Variants in DSCAM observed in about 807,000 individuals in gnomAD.
DSCAM encodes the protein DS cell adhesion molecule, also known as cell adhesion molecule DSCAM.
DSCAM carries 47 observed loss-of-function variants against 217.7 expected under a neutral mutation model. The observed-to-expected ratio is 0.22, with a 90% CI of 0.17 to 0.28. The LOEUF (loss-of-function observed/expected upper bound fraction) is 0.28. DSCAM is among the 10% of genes least tolerant of loss of function. The pLI is 1.00. For missense variants in DSCAM, 2,080 were observed against 2,618.3 expected (o/e 0.79, Z 4.49); for synonymous variants, 1,056 against 1,015.3 (o/e 1.04, Z -0.76).
chr21:40,080,825 C>T (rs1426036776), intron 24 of DSCAM, among the ~76,000 whole-genome samples: 8 of 152,220 alleles, frequency 5.3e-5, no homozygotes. Context: ...CTAGGAGAAA[C>T]AGCTCCAAGT....
At chr21:40,441,981 T>G (rs1172544759) in intron 3 of DSCAM, among the ~76,000 whole-genome samples, 1 of 152,142 alleles carries the variant, frequency 6.6e-6, no homozygotes, top group African/African-American at 2.4e-5. Context: ...ATCCACTTGT[T>G]TGTTTACTTA....
intron 3 of DSCAM, among the ~76,000 whole-genome samples, chr21:40,639,850 G>C (rs1020781208): frequency 6.6e-6 from 1 of 152,120 alleles, no homozygotes; most frequent in African/African-American, 2.4e-5. Context: ...CTCCATAAAA[G>C]TCATACTTGA....
intron 1 of DSCAM, among the ~76,000 whole-genome samples, chr21:40,723,912 A>G (rs1222722301): frequency 1.3e-5 from 2 of 152,206 alleles, no homozygotes; most frequent in Admixed American, 1.3e-4. Context: ...GATTTTTGCC[A>G]TGGGTTTTAC....
At chr21:40,375,280 T>C (rs2074938715) in intron 3 of DSCAM, among the ~76,000 whole-genome samples, 1 of 152,214 alleles carries the variant, frequency 6.6e-6, no homozygotes, top group African/African-American at 2.4e-5. Flanking sequence ...TTAATCTCTA[T>C]TCAACATGCA....
intron 1 of DSCAM, among the ~76,000 whole-genome samples, chr21:40,841,935 C>T (rs2092105004): frequency 6.6e-6 from 1 of 152,246 alleles, no homozygotes; most frequent in Non-Finnish European, 1.5e-5. Flanking sequence ...GCCTGACCTG[C>T]GGTTGCCTTT....
At chr21:40,376,669 A>ATAGATATC (rs2074965349) in intron 3 of DSCAM, among the ~76,000 whole-genome samples, 4 of 108,024 alleles carry the variant, frequency 3.7e-5, no homozygotes, top group African/African-American at 1.6e-4. Context: ...TATCTTATAT[A>ATAGATATC]GATATCTATA....
intron 3 of DSCAM, among the ~76,000 whole-genome samples, chr21:40,373,606 A>G (rs1434961858): frequency 6.6e-6 from 1 of 152,194 alleles, no homozygotes; most frequent in African/African-American, 2.4e-5. Flanking sequence ...CTTGTGTGTT[A>G]TTCTAATACA....
chr21:40,573,653 A>C (rs1194743813), intron 3 of DSCAM, among the ~76,000 whole-genome samples: 1 of 152,136 alleles, frequency 6.6e-6, no homozygotes, highest in Non-Finnish European at 1.5e-5. Flanking sequence ...AAAGGAAATA[A>C]TAAAAACAGC....
intron 3 of DSCAM, among the ~76,000 whole-genome samples, chr21:40,421,677 T>G (rs555533698): frequency 1.3e-5 from 2 of 152,328 alleles, no homozygotes; most frequent in South Asian, 4.1e-4. Context: ...TCAGGAGAGA[T>G]AAACAACAGT....
rs200357906 is a variant in DSCAM, at chr21:40,516,267, T to C, written c.509-147022A>G. 1.5e-4 allele frequency among the ~76,000 whole-genome samples: 23 copies of C among 152,280 alleles called. No homozygotes were observed. The East Asian group carries it at 3.3e-3, about 22-fold the overall frequency. Reference sequence around the variant, plus strand: ...TAATTCTAACTCTAAACTATGTAATTATAATACTTCTGCTGAAATACAAAT... The same window carrying C: ...TAATTCTAACTCTAAACTATGTAATCATAATACTTCTGCTGAAATACAAAT... On this transcript the variant is annotated intron_variant, in intron 3 of 32. Coordinates refer to ENST00000400454, the MANE Select transcript of DSCAM (RefSeq NM_001389.5).
intron 3 of DSCAM, among the ~76,000 whole-genome samples, chr21:40,426,688 A>G (rs558023786): frequency 1.2e-4 from 19 of 152,296 alleles, no homozygotes; most frequent in African/African-American, 3.6e-4. Context: ...GCATAACTCA[A>G]AGGGCTGGAG....
intron 9 of DSCAM, among the ~76,000 whole-genome samples, chr21:40,298,951 C>T (rs1272541019): frequency 6.6e-6 from 1 of 152,010 alleles, no homozygotes; most frequent in African/African-American, 2.4e-5. Flanking sequence ...AAGGTAGTTA[C>T]AGATAAAAAC....
At chr21:40,479,194 C>T (rs1406004278) in intron 3 of DSCAM, among the ~76,000 whole-genome samples, 1 of 152,170 alleles carries the variant, frequency 6.6e-6, no homozygotes, top group African/African-American at 2.4e-5. Flanking sequence ...AAGCCAGAGA[C>T]ATGGCCATGA....
chr21:40,366,387 C>A (rs934647034), intron 4 of DSCAM, among the ~76,000 whole-genome samples: 8 of 151,958 alleles, frequency 5.3e-5, no homozygotes, highest in Admixed American at 4.6e-4. Context: ...TTGTGTTTAT[C>A]CTCTGATGTG....
intron 1 of DSCAM, among the ~76,000 whole-genome samples, chr21:40,843,359 A>C (rs2092117393): frequency 7.4e-6 from 1 of 134,768 alleles, no homozygotes; most frequent in African/African-American, 3.0e-5. Flanking sequence ...TGATGTCAGG[A>C]ATGCATGCAT....
intron 3 of DSCAM, among the ~76,000 whole-genome samples, chr21:40,441,001 A>T (rs2075625373): frequency 6.6e-6 from 1 of 152,108 alleles, no homozygotes; most frequent in South Asian, 2.1e-4. Context: ...AGGCTATGGG[A>T]CCTATTCAGC....
At chr21:40,794,888 GA>G (rs5844043) in intron 1 of DSCAM, among the ~76,000 whole-genome samples, 270 of 126,666 alleles carry the variant, frequency 2.1e-3, no homozygotes, top group African/African-American at 8.0e-3. Flanking sequence ...TAGTCAAATT[GA>G]AAAAAAAAAA....
At chr21:40,475,191 G>A (rs988476623) in intron 3 of DSCAM, among the ~76,000 whole-genome samples, 5 of 152,228 alleles carry the variant, frequency 3.3e-5, no homozygotes, top group Non-Finnish European at 7.3e-5. Context: ...TAGCACTTCA[G>A]CTGGCTCCTC....
chr21:40,770,788 G>T (rs2091437318), intron 1 of DSCAM, among the ~76,000 whole-genome samples: 1 of 152,202 alleles, frequency 6.6e-6, no homozygotes, highest in South Asian at 2.1e-4. Context: ...CTAACCATGT[G>T]GCTGGTAAGA....
Sources: allele counts gnomAD v4.1 joint callset (sites outside exome capture counted in the v4.1 genomes callset), GRCh38; gene constraint gnomAD v4.1.1; transcripts MANE v1.5; gene names NCBI Gene and HGNC (gene_info 2026-07-23, HGNC 2026-07-21).